The following ACACB variants were observed in gnomAD, a reference collection of about 807,000 sequenced individuals.
ACACB encodes acetyl-CoA carboxylase beta, also known as acetyl-CoA carboxylase 2.
Under a neutral mutation model 278.8 loss-of-function variants are expected in ACACB, and 209 were observed. That is an observed-to-expected ratio of 0.75 (90% CI 0.67 to 0.84). ACACB has a LOEUF of 0.84. Among genes scored for constraint, ACACB ranks in the 40% least tolerant of loss-of-function variants. The probability of loss-of-function intolerance (pLI) is 0.00; values close to 1 mark genes in which losing one functional copy is unlikely to be tolerated. For missense variants in ACACB, 2,850 were observed against 3,269.0 expected (o/e 0.87, Z 3.13); for synonymous variants, 1,174 against 1,285.6 (o/e 0.91, Z 1.86).
At chr12:109,240,565 ATAT>A (rs1393900974) in intron 35 of ACACB, among the ~76,000 whole-genome samples, 24 of 148,366 alleles carry the variant, frequency 1.6e-4, no homozygotes, top group East Asian at 7.8e-4. Flanking sequence ...CGATATATTA[ATAT>A]TATTAAAATA....
rs2046946599 is a variant in ACACB, at chr12:109,246,399, T to G, written c.5522T>G (p.Ile1841Ser). 1 of 1,612,954 alleles carries G rather than the reference T, an allele frequency of 6.2e-7. No homozygotes were observed. Among genetic ancestry groups the G allele is most frequent in the Non-Finnish European group, 8.5e-7 (1 of 1,179,870 alleles). ...GCCCGTATTGGCATGGCAGAGGAGA[T>G]CAAACACATGTTCCACGTGGCTTGG... is the stretch of plus-strand genomic sequence containing the variant. ...SGARIGMAEE[I>S]KHMFHVAWVD... The change falls in exon 39 of 53, where the codon ATC (isoleucine) becomes AGC (serine). Residue 1841 changes from isoleucine to serine, a missense_variant. Around this residue, in one of 3 missense-constraint regions of ACACB, gnomAD observed 2,265 missense variants for 2,561.3 expected, o/e 0.88. Transcript: ENST00000338432.
At position 109,201,678 on chromosome 12, in the gene ACACB, G is replaced by A. The variant is rs150559547; in HGVS notation, c.2890G>A (p.Asp964Asn). Residue 964 changes from aspartate (D) to asparagine (N), a missense_variant, in exon 19 of 53, where the codon GAT (aspartate) becomes AAT (asparagine). Asp to Asn is a conservative substitution (Grantham distance 23). Coordinates refer to ENST00000338432, the MANE Select transcript of ACACB (RefSeq NM_001093.4). ...AGCVVARLEL[D>N]DPSKVHPAEP... ...CTGCGTGGTGGCCAGGCTGGAGCTC[G>A]ATGACCCTTCTAAAGTCCACCCGGT... The A allele has an allele frequency of 1.7e-4, 272 of 1,613,934 alleles. 1 individual carries two copies. Among genetic ancestry groups the A allele is most frequent in the Non-Finnish European group, 2.2e-4 (255 of 1,180,006 alleles).
At position 109,222,566 on chromosome 12, in the gene ACACB, G is replaced by C. The variant is rs757434963; in HGVS notation, c.3624G>C (p.Glu1208Asp). Residue 1208 changes from glutamate (E) to aspartate (D), a missense_variant, in exon 25 of 53, where the codon GAG (glutamate) becomes GAC (aspartate). Around this residue, in one of 3 missense-constraint regions of ACACB, gnomAD observed 2,265 missense variants for 2,561.3 expected, o/e 0.88. Transcript: ENST00000338432. The stretch of plus-strand genomic sequence containing the variant: ...ACGAGCTGATCTCCATCCTCAACGA[G>C]CTCACTCAGCTGAGCAAAAGCGAGC... ...LSDELISILN[E>D]LTQLSKSEHC... is the part of the protein sequence containing the mutation. The C allele has an allele frequency of 6.2e-7, 1 of 1,614,172 alleles. No individual in the cohort carries two copies. The highest frequency in any genetic ancestry group is 8.5e-7 in the Non-Finnish European group (1 of 1,180,030).
chr12:109,202,533 T>A (rs1194457424), intron 19 of ACACB, among the ~76,000 whole-genome samples: 1 of 152,150 alleles, frequency 6.6e-6, no homozygotes, highest in Non-Finnish European at 1.5e-5. Context: ...CATGCTGGTC[T>A]TGAACTCCTG....
rs1435855150 is a variant in ACACB at position 109,232,711 on chromosome 12, G to A, written c.4044G>A (p.Arg1348=). ...GCATCACCAACCCTGACCTGCTGAGGCACAGCACAGAGCTCTTCATGGACA... is the reference window on the plus strand; with the variant it reads ...GCATCACCAACCCTGACCTGCTGAGACACAGCACAGAGCTCTTCATGGACA... ...PISITNPDLL[R]HSTELFMDSG... The change falls in exon 29 of 53, where the codon AGG becomes AGA. Residue 1348 remains arginine (R), a synonymous_variant. Transcript: ENST00000338432. The A allele has an allele frequency of 1.2e-6, 2 of 1,614,148 alleles. No homozygotes were observed. The highest frequency in any genetic ancestry group is 1.7e-6 in the Non-Finnish European group (2 of 1,180,012).
At chr12:109,242,782 G>A in intron 37 of ACACB, 190 bp downstream of exon 37, 1 of 616,450 alleles carries the variant, frequency 1.6e-6, no homozygotes, top group Non-Finnish European at 2.7e-6. Context: ...GAGCCCAGGA[G>A]TTGAAGAACC....
intron 13 of ACACB, 103 bp downstream of exon 13, chr12:109,188,265 C>T (rs755153025): frequency 1.6e-5 from 20 of 1,219,278 alleles, no homozygotes; most frequent in Non-Finnish European, 2.3e-5. Flanking sequence ...TTCCTTCCCT[C>T]TTTCTCCTCC....
chr12:109,148,251 T>G (rs1157773835), intron 2 of ACACB, among the ~76,000 whole-genome samples: 1 of 152,230 alleles, frequency 6.6e-6, no homozygotes, highest in Non-Finnish European at 1.5e-5. Context: ...AAATCACTGC[T>G]TACATGCTCT....
rs869303420 is a variant in ACACB at position 109,166,649 on chromosome 12, C to CAAAAAAAAAAAAAAAAA, written c.654-200_654-184dup. On this transcript the variant is annotated intron_variant, in intron 2 of 52. Coordinates refer to ENST00000338432, the MANE Select transcript of ACACB (RefSeq NM_001093.4). The stretch of plus-strand genomic sequence containing the variant: ...TAGGTGACAGAATGAGATCCCGTCT[C>CAAAAAAAAAAAAAAAAA]AAAAAAAAAAAAAAAAAAAAAAAAA... 1.2e-4 allele frequency among the ~76,000 whole-genome samples: 3 copies of CAAAAAAAAAAAAAAAAA among 25,062 alleles called. 1 individual carries two copies. Among genetic ancestry groups the CAAAAAAAAAAAAAAAAA allele is most frequent in the Non-Finnish European group, 1.9e-4 (3 of 15,570 alleles). The allele number at this position is 25,062 out of a possible 152,430, so 16.4% of individuals were successfully genotyped here. A position where few individuals can be genotyped will look rare whatever the true frequency, so the allele number is the denominator to read the frequency against.
intron 1 of ACACB, among the ~76,000 whole-genome samples, chr12:109,133,184 C>T (rs558702825): frequency 3.3e-5 from 5 of 152,284 alleles, no homozygotes; most frequent in African/African-American, 1.2e-4. Context: ...TGTATTCTCA[C>T]ACCTCATAAT....
At chr12:109,259,959 G>A (rs2047335307) in intron 47 of ACACB, 4 of 794,826 alleles carry the variant, frequency 5.0e-6, no homozygotes, top group African/African-American at 1.8e-5. Context: ...AGGGGGTTAA[G>A]AACAGGACCA....
chr12:109,216,219 C>CTTT (rs1194453989), intron 22 of ACACB, among the ~76,000 whole-genome samples: 45 of 128,130 alleles, frequency 3.5e-4, no homozygotes, highest in South Asian at 7.7e-4. Context: ...CTCTCTCTCT[C>CTTT]TTTTTTTTTT....
At chr12:109,218,478 C>G (rs1412630235) in intron 24 of ACACB, among the ~76,000 whole-genome samples, 1 of 152,158 alleles carries the variant, frequency 6.6e-6, no homozygotes, top group Non-Finnish European at 1.5e-5. Context: ...CCTGCCTTGG[C>G]CTCCCAAAGT....
Position 109,266,415 on chromosome 12 carries a change from C to G in ACACB, c.*53C>G. 6.5e-7 allele frequency: 1 copy of G among 1,543,498 alleles called. No individual in the cohort carries two copies. The highest frequency in any genetic ancestry group is 8.7e-7 in the Non-Finnish European group (1 of 1,149,742). ...CCACGGCAAAAGGAACCACCCAGAC[C>G]CACCACCCGTACACCCTCAGCAGAC... On this transcript the variant is annotated 3_prime_UTR_variant, in exon 53 of 53. Coordinates refer to ENST00000338432, the MANE Select transcript of ACACB (RefSeq NM_001093.4).
intron 39 of ACACB, 97 bp from the exon 40 acceptor site, chr12:109,247,509 T>C (rs1211110428): frequency 3.1e-5 from 25 of 804,238 alleles, no homozygotes; most frequent in Non-Finnish European, 3.2e-5. Context: ...AACATGTTAT[T>C]AACATCCATC....
chr12:109,129,784 TG>T (rs1294119337), intron 1 of ACACB, among the ~76,000 whole-genome samples: 4 of 152,256 alleles, frequency 2.6e-5, no homozygotes, highest in Admixed American at 1.3e-4. Context: ...CTGCCTGGGC[TG>T]GCCGATCCTT....
chr12:109,207,203 G>A (rs1366983036), intron 20 of ACACB, among the ~76,000 whole-genome samples: 7 of 152,280 alleles, frequency 4.6e-5, no homozygotes, highest in Middle Eastern at 6.8e-3. Flanking sequence ...TGATCCATCC[G>A]CCTGGGCCTC....
upstream of ACACB, among the ~76,000 whole-genome samples, chr12:109,114,496 G>A (rs1325624193): frequency 6.6e-6 from 1 of 152,054 alleles, no homozygotes; most frequent in Non-Finnish European, 1.5e-5. Context: ...GTTTGCAGCA[G>A]GACTGGTGAT....
chr12:109,223,378 G>C (rs953985249), intron 26 of ACACB, among the ~76,000 whole-genome samples: 2 of 152,124 alleles, frequency 1.3e-5, no homozygotes, highest in Non-Finnish European at 2.9e-5. Context: ...AGCCCAGCGC[G>C]CTGCAGGGCA....
Sources: gnomAD v4.1 joint callset for allele counts (sites outside exome capture counted in the v4.1 genomes callset) on GRCh38, gnomAD v4.1.1 for gene constraint, gnomAD v4.1.1 regional missense constraint, MANE v1.5 for transcripts, NCBI Gene and HGNC (gene_info 2026-07-23, HGNC 2026-07-21) for gene names.